The following ALG12 variants were observed in gnomAD, a reference collection of about 807,000 sequenced individuals.
The protein encoded by ALG12 is ALG12 alpha-1,6-mannosyltransferase, also known as dol-P-Man:Man(7)GlcNAc(2)-PP-Dol alpha-1,6-mannosyltransferase.
Under a neutral mutation model 46.0 loss-of-function variants are expected in ALG12, and 36 were observed. The ratio of observed to expected loss-of-function variants is 0.78; its 90% CI spans 0.60 to 1.03. The LOEUF is 1.03. Ranked by LOEUF, ALG12 falls within the 50% of genes least tolerant of loss-of-function variation. The pLI is 0.00. For missense variants in ALG12, 599 were observed against 633.5 expected, an observed-to-expected ratio of 0.95 and a Z score of 0.58; for synonymous variants, 326 against 291.6, an observed-to-expected ratio of 1.12 and a Z score of -1.20.
chr22:49,880,570 A>T, the ALG12 span, among the ~76,000 whole-genome samples: 12 of 152,202 alleles, frequency 7.9e-5, no homozygotes, highest in Non-Finnish European at 1.5e-4. Flanking sequence ...TCAGCGTCTG[A>T]AAACGTCGTT....
the ALG12 span, chr22:49,883,783 G>T: frequency 6.2e-7 from 1 of 1,613,290 alleles, no homozygotes; most frequent in African/African-American, 1.3e-5. Context: ...GGAAAGAATG[G>T]ACTTTAAAAG....
chr22:49,874,344 A>G, the ALG12 span, among the ~76,000 whole-genome samples: 3 of 151,712 alleles, frequency 2.0e-5, no homozygotes, highest in South Asian at 2.1e-4. Context: ...ACATCGAATG[A>G]CGTGCCCATA....
At chr22:49,864,780 A>G in the ALG12 span, among the ~76,000 whole-genome samples, 1 of 136,248 alleles carries the variant, frequency 7.3e-6, no homozygotes, top group Non-Finnish European at 1.5e-5. Flanking sequence ...GAGATTGTGT[A>G]CTGCACTCCA....
rs564268256 is a variant in ALG12, at chr22:49,910,151, C to T, written c.470-63G>A. 50 of 1,512,212 alleles carry T rather than the reference C, an allele frequency of 3.3e-5. 1 individual carries two copies. Among genetic ancestry groups the T allele is most frequent in the South Asian group, 3.1e-4 (26 of 83,484 alleles). 93.7% of individuals were successfully genotyped at this position (1,512,212 alleles called of 1,614,324 possible). A position where few individuals can be genotyped will look rare whatever the true frequency, so the allele number is the denominator to read the frequency against. ...GGGCCCACCCGGCCCAGAAAACACC[C>T]GGGGAAGTGAAGGGTGATTCCTTTT... On this transcript the variant is annotated intron_variant, in intron 4 of 9. Transcript: ENST00000330817.
At chr22:49,862,484 GTC>G in the ALG12 span, among the ~76,000 whole-genome samples, 2 of 152,100 alleles carry the variant, frequency 1.3e-5, no homozygotes, top group Non-Finnish European at 2.9e-5. Flanking sequence ...TAAAATCAGT[GTC>G]TAGCGTAATG....
At chr22:49,865,333 A>G in the ALG12 span, among the ~76,000 whole-genome samples, 1 of 152,080 alleles carries the variant, frequency 6.6e-6, no homozygotes, top group Non-Finnish European at 1.5e-5. Context: ...GTTGCTGTGC[A>G]GCACGTGACT....
rs746310479 is a variant in ALG12 at position 49,910,073 on chromosome 22, G to A, written c.485C>T (p.Ala162Val). The A allele has an allele frequency of 6.8e-6, 11 of 1,608,872 alleles. No individual in the cohort carries two copies. The highest frequency in any genetic ancestry group is 6.7e-5 in the East Asian group (3 of 44,686). Residue 162 changes from alanine to valine, a missense_variant, in exon 5 of 10, where the codon GCG becomes GTG. Ala to Val is a moderately conservative substitution (Grantham distance 64). Coordinates refer to ENST00000330817, the MANE Select transcript of ALG12 (RefSeq NM_024105.4). Reference protein sequence around the residue: ...LALPVVLLALAAWLRHEWARF... With the variant: ...LALPVVLLALVAWLRHEWARF... ...GGCCCACTCGTGCCGCAGCCAGGCCGCGAGGGCCAGCAGGACTGCAAGACA... is the reference window on the plus strand; with the variant it reads ...GGCCCACTCGTGCCGCAGCCAGGCCACGAGGGCCAGCAGGACTGCAAGACA...
Position 49,913,735 on chromosome 22 carries a change from GC to G in ALG12, c.30del (p.Leu12CysfsTer9), listed in dbSNP as rs1206413996. Reference sequence around the variant, plus strand: ...GCCACCAGCAGCCCCAGCAGCAGGGGCCGCCTGCCTGATGACCCCTTTCCAG... The same window carrying G: ...GCCACCAGCAGCCCCAGCAGCAGGGGCGCCTGCCTGATGACCCCTTTCCAG... MAGKGSSGRRPLLLGLLVAV... is the reference protein window; with the variant it reads MAGKGSSGRXPLLLGLLVAV... On this transcript the variant is annotated frameshift_variant, in exon 2 of 10. Coordinates refer to ENST00000330817, the MANE Select transcript of ALG12 (RefSeq NM_024105.4). LOFTEE classifies it high-confidence loss of function. 3.7e-6 allele frequency: 6 copies of G among 1,613,626 alleles called. No individual in the cohort carries two copies. Among genetic ancestry groups the G allele is most frequent in the Admixed American group, 1.7e-5 (1 of 60,010 alleles).
At chr22:49,885,956 A>G in the ALG12 span, 4 of 728,892 alleles carry the variant, frequency 5.5e-6, no homozygotes, top group Middle Eastern at 2.5e-4. Context: ...GACGACCACC[A>G]CTGCTCGGCG....
the ALG12 span, chr22:49,890,061 C>T: frequency 6.1e-6 from 1 of 164,758 alleles, no homozygotes; most frequent in Admixed American, 6.5e-5. Context: ...AAAATAAAAA[C>T]TTTATTTCTT....
Position 49,905,536 on chromosome 22 carries a change from G to A in ALG12, c.993-1030C>T, listed in dbSNP as rs913520366. 6.6e-6 allele frequency among the ~76,000 whole-genome samples: 1 copy of A among 152,138 alleles called. No homozygotes were observed. Among genetic ancestry groups the A allele is most frequent in the African/African-American group, 2.4e-5 (1 of 41,422 alleles). Reference sequence around the variant, plus strand: ...TTCTCCTCATACCGAGTGAGTTCTCGAGAGGTCTGCTTGTTTGAAAATGGG... The same window carrying A: ...TTCTCCTCATACCGAGTGAGTTCTCAAGAGGTCTGCTTGTTTGAAAATGGG... On this transcript the variant is annotated intron_variant, in intron 7 of 9. Transcript: ENST00000330817. The surrounding 1 kb of genome is among the most constrained non-coding windows in gnomAD (Gnocchi z 4.9).
chr22:49,907,377 C>G (rs2060548233), intron 7 of ALG12, among the ~76,000 whole-genome samples: 1 of 152,196 alleles, frequency 6.6e-6, no homozygotes, highest in Non-Finnish European at 1.5e-5. Context: ...AGCCCTCTGT[C>G]AGCACAATGC....
the ALG12 span, among the ~76,000 whole-genome samples, chr22:49,864,825 A>AG: frequency 6.9e-6 from 1 of 145,564 alleles, no homozygotes; most frequent in African/African-American, 2.8e-5. Context: ...GTCTCCAAAA[A>AG]AAAAAAAAAA....
Position 49,909,248 on chromosome 22 carries a change from C to T in ALG12, c.764G>A (p.Trp255Ter), listed in dbSNP as rs781106172. Residue 255 changes from tryptophan to a stop codon, truncating the protein, a stop_gained, in exon 6 of 10, where the codon TGG (tryptophan) becomes TAG (stop). Transcript: ENST00000330817. LOFTEE classifies it high-confidence loss of function. ...TGCACGGACACTGAAGGATACCCCC[C>T]AGTTGGAGCTTTTGTTCAGGACAGT... is the stretch of plus-strand genomic sequence containing the variant. ...YNTVLNKSSN[W>*]GTSPLLWYFY... The T allele has an allele frequency of 6.2e-7, 1 of 1,614,228 alleles. No homozygotes were observed. The highest frequency in any genetic ancestry group is 1.1e-5 in the South Asian group (1 of 91,088).
chr22:49,896,920 C>G (rs370566677), downstream of ALG12, among the ~76,000 whole-genome samples: 10 of 151,732 alleles, frequency 6.6e-5, no homozygotes, highest in South Asian at 2.1e-3. Context: ...GGATCCCAGG[C>G]GTGAGCCACC....
At chr22:49,907,652 C>T (rs959844994) in intron 7 of ALG12, 69 bp downstream of exon 7, 44 of 1,517,944 alleles carry the variant, frequency 2.9e-5, no homozygotes, top group Non-Finnish European at 4.0e-5. Flanking sequence ...ATACATCCCC[C>T]CAACAGTAAA....
At chr22:49,887,630 A>C in the ALG12 span, 1 of 171,864 alleles carries the variant, frequency 5.8e-6, no homozygotes, top group Non-Finnish European at 1.4e-5. Context: ...TGAAATCTGT[A>C]AATAGGAGGT....
intron 7 of ALG12, among the ~76,000 whole-genome samples, chr22:49,904,821 C>G (rs1013076346): frequency 2.6e-5 from 4 of 152,094 alleles, no homozygotes; most frequent in African/African-American, 9.7e-5. Context: ...CTCACTGCAA[C>G]CTCCGCCTCC....
At chr22:49,900,039 C>T, downstream of ALG12, among the ~76,000 whole-genome samples, 2 of 152,116 alleles carry the variant, frequency 1.3e-5, no homozygotes, top group Non-Finnish European at 2.9e-5. Flanking sequence ...TGGCACACAC[C>T]TGTAGTCCCA....
Sources: gnomAD v4.1 joint callset for allele counts (sites outside exome capture counted in the v4.1 genomes callset) on GRCh38, gnomAD v4.1.1 for gene constraint, Gnocchi (gnomAD v3.1) non-coding constraint, MANE v1.5 for transcripts, NCBI Gene and HGNC (gene_info 2026-07-23, HGNC 2026-07-21) for gene names.